The following SLC4A5 variants were observed in gnomAD, a reference collection of about 807,000 sequenced individuals.
SLC4A5 encodes solute carrier family 4 member 5.
In SLC4A5, 96 loss-of-function variants were observed where a neutral mutation model predicts 120.4. The observed-to-expected ratio is 0.80, with a 90% CI of 0.68 to 0.94. SLC4A5 has a LOEUF of 0.94. SLC4A5 is among the 40% of genes least tolerant of loss of function. The pLI, the probability that SLC4A5 is intolerant of heterozygous loss-of-function variation, is 0.00. For synonymous variants in SLC4A5, 550 were observed against 571.1 expected, an observed-to-expected ratio of 0.96 and a Z score of 0.53; for missense variants, 1,259 against 1,459.5, an observed-to-expected ratio of 0.86 and a Z score of 2.24.
At chr2:74,246,310 G>T (rs1479076848) in intron 19 of SLC4A5, among the ~76,000 whole-genome samples, 2 of 152,160 alleles carry the variant, frequency 1.3e-5, no homozygotes, top group Admixed American at 1.3e-4. Flanking sequence ...AACCAAGGGG[G>T]CCGAGAACTC....
At chr2:74,308,776 T>A (rs1009411587) in intron 6 of SLC4A5, among the ~76,000 whole-genome samples, 2 of 152,078 alleles carry the variant, frequency 1.3e-5, no homozygotes, top group Non-Finnish European at 2.9e-5. Flanking sequence ...TAGGGTTGTA[T>A]CTAAAAACTC....
exon 7 of SLC4A5, chr2:74,304,619 C>T: frequency 1.2e-6 from 2 of 1,614,160 alleles, no homozygotes; most frequent in Non-Finnish European, 1.7e-6. Context: ...GATGTCCCTT[C>T]TGGTCAGTTT....
At chr2:74,300,064 AT>A (rs1290427776) in intron 7 of SLC4A5, among the ~76,000 whole-genome samples, 1 of 152,244 alleles carries the variant, frequency 6.6e-6, no homozygotes, top group Non-Finnish European at 1.5e-5. Context: ...AAATTCTGCC[AT>A]TTGTTTCAAC....
At chr2:74,235,207 G>A (rs1227717634) in exon 22 of SLC4A5, 2 of 1,613,512 alleles carry the variant, frequency 1.2e-6, no homozygotes, top group Non-Finnish European at 1.7e-6. Flanking sequence ...AGCCACCAGG[G>A]CCCGGACCTG....
At position 74,229,247 on chromosome 2, in the gene SLC4A5, G is replaced by GT. The variant is rs71406869; in HGVS notation, c.2848-1370dup. Among the ~76,000 whole-genome samples, 308 of 134,240 alleles carry GT rather than the reference G, an allele frequency of 2.3e-3. 1 individual carries two copies. The highest frequency in any genetic ancestry group is 3.1e-3 in the Admixed American group (42 of 13,468). 88.1% of individuals were successfully genotyped at this position (134,240 alleles called of 152,430 possible). ...CACCATGCCTGGCCGATTCGAAGGTGTTTTTTTTTTTTGGGGGGGGCACGG... is the reference window on the plus strand; with the variant it reads ...CACCATGCCTGGCCGATTCGAAGGTGTTTTTTTTTTTTTGGGGGGGGCACGG... On this transcript the variant is annotated intron_variant, in intron 25 of 30. Transcript: ENST00000394019.
chr2:74,262,091 C>A, intron 11 of SLC4A5, 46 bp downstream of exon 11: 1 of 1,573,364 alleles, frequency 6.4e-7, no homozygotes, highest in South Asian at 1.1e-5. Flanking sequence ...TCACAGCTGC[C>A]ACAGCCTGAA....
intron 21 of SLC4A5, among the ~76,000 whole-genome samples, chr2:74,238,417 C>A (rs1670338101): frequency 6.6e-6 from 1 of 151,458 alleles, no homozygotes; most frequent in African/African-American, 2.4e-5. Flanking sequence ...TGCAAAGGGC[C>A]AAGAAAATAT....
At chr2:74,304,544 G>C (rs1672577088) in exon 7 of SLC4A5, 2 of 1,614,022 alleles carry the variant, frequency 1.2e-6, no homozygotes, top group Non-Finnish European at 1.7e-6. Context: ...CACTCCCTGG[G>C]CCAGTCAGTT....
rs147909926 is a variant in SLC4A5 at position 74,289,371 on chromosome 2, C to T, written c.272-3469G>A. On this transcript the variant is annotated intron_variant, in intron 7 of 30. Transcript: ENST00000394019. ...TCACTCTTTTGCTTAGGCTGGAGTGCAGTGGCACAATCTTGGCTCACTGCA... is the reference window on the plus strand; with the variant it reads ...TCACTCTTTTGCTTAGGCTGGAGTGTAGTGGCACAATCTTGGCTCACTGCA... Among the ~76,000 whole-genome samples, 1,069 of 151,874 alleles carry T rather than the reference C, an allele frequency of 7.0e-3. 14 individuals carry two copies. The highest frequency in any genetic ancestry group is 0.023 in the African/African-American group (948 of 41,338).
chr2:74,294,764 A>G (rs1672278286), intron 7 of SLC4A5, among the ~76,000 whole-genome samples: 1 of 150,772 alleles, frequency 6.6e-6, no homozygotes, highest in Admixed American at 6.6e-5. Context: ...CTCCGCCTCC[A>G]GTGTTCAAGC....
rs897543894 is a variant in SLC4A5, at chr2:74,284,873, C to G, written c.401+900G>C. Among the ~76,000 whole-genome samples, 12 of 152,314 alleles carry G rather than the reference C, an allele frequency of 7.9e-5. No homozygotes were observed. In the South Asian group the frequency reaches 8.3e-4, roughly 11 times the overall value. ...CACGCTTTTCTCCATGGCTCCAACTCTGCAGCCCCAAACTCTGCCAGATAG... is the reference window on the plus strand; with the variant it reads ...CACGCTTTTCTCCATGGCTCCAACTGTGCAGCCCCAAACTCTGCCAGATAG... On this transcript the variant is annotated intron_variant, in intron 8 of 30. Coordinates refer to ENST00000394019, the Ensembl canonical transcript of SLC4A5.
intron 5 of SLC4A5, among the ~76,000 whole-genome samples, chr2:74,322,420 T>C (rs1673119903): frequency 1.3e-5 from 2 of 152,116 alleles, no homozygotes; most frequent in Admixed American, 1.3e-4. Context: ...ACACTACCAA[T>C]ATTGATTATA....
intron 5 of SLC4A5, among the ~76,000 whole-genome samples, chr2:74,317,820 AG>A (rs1485654373): frequency 6.6e-6 from 1 of 152,256 alleles, no homozygotes; most frequent in Non-Finnish European, 1.5e-5. Flanking sequence ...CAAAATGGCA[AG>A]GGCTGCATCC....
intron 21 of SLC4A5, 76 bp downstream of exon 21, chr2:74,239,259 G>A (rs1417981095): frequency 1.8e-5 from 25 of 1,408,702 alleles, no homozygotes; most frequent in Non-Finnish European, 2.4e-5. Flanking sequence ...CATCCTGTCG[G>A]TGGACCAGAA....
chr2:74,310,707 A>G (rs1672779654), intron 6 of SLC4A5, among the ~76,000 whole-genome samples: 1 of 152,024 alleles, frequency 6.6e-6, no homozygotes, highest in Admixed American at 6.6e-5. Flanking sequence ...ATCTGCTAGC[A>G]TTTTGTTGAG....
At chr2:74,241,860 T>C in intron 20 of SLC4A5, 134 bp downstream of exon 20, 1 of 643,840 alleles carries the variant, frequency 1.6e-6, no homozygotes, top group Non-Finnish European at 2.8e-6. Context: ...GCTCTGCAGG[T>C]GACCCTGACG....
intron 8 of SLC4A5, among the ~76,000 whole-genome samples, chr2:74,273,895 G>T (rs576615844): frequency 6.6e-6 from 1 of 152,216 alleles, no homozygotes; most frequent in Non-Finnish European, 1.5e-5. Flanking sequence ...CGGGCCTGGT[G>T]GCTCACGCCT....
exon 28 of SLC4A5, chr2:74,224,954 G>A: frequency 6.2e-7 from 1 of 1,614,152 alleles, no homozygotes; most frequent in South Asian, 1.1e-5. Context: ...GCTGGGAAAA[G>A]ATGAAATCCA....
At chr2:74,253,829 T>C (rs187134809) in intron 14 of SLC4A5, among the ~76,000 whole-genome samples, 45 of 152,070 alleles carry the variant, frequency 3.0e-4, no homozygotes, top group Admixed American at 1.8e-3. Context: ...CCAAAAACTG[T>C]TCGAGAATGA....
Sources: allele counts gnomAD v4.1 joint callset (sites outside exome capture counted in the v4.1 genomes callset), GRCh38; gene constraint gnomAD v4.1.1; transcripts MANE v1.5; gene names NCBI Gene and HGNC (gene_info 2026-07-23, HGNC 2026-07-21).